Variants in DIAPH3 observed in about 807,000 individuals in gnomAD.
DIAPH3 encodes diaphanous related formin 3, also known as protein diaphanous homolog 3.
Under a neutral mutation model 144.3 loss-of-function variants are expected in DIAPH3, and 117 were observed. The ratio of observed to expected loss-of-function variants is 0.81; its 90% confidence interval spans 0.70 to 0.95. The LOEUF (loss-of-function observed/expected upper bound fraction) is 0.95. Among genes scored for constraint, DIAPH3 ranks in the 40% least tolerant of loss-of-function variants. The pLI is 0.00. For missense variants in DIAPH3, 1,421 were observed against 1,412.7 expected, an observed-to-expected ratio of 1.01 and a Z score of -0.09; for synonymous variants, 519 against 488.9, an observed-to-expected ratio of 1.06 and a Z score of -0.81.
At chr13:60,069,548 GC>G (rs2057115890) in intron 4 of DIAPH3, among the ~76,000 whole-genome samples, 1 of 152,052 alleles carries the variant, frequency 6.6e-6, no homozygotes, top group Admixed American at 6.6e-5. Flanking sequence ...TAAAATATTT[GC>G]CAGGTCCTAT....
chr13:59,743,306 G>T (rs531707983), intron 27 of DIAPH3, among the ~76,000 whole-genome samples: 8 of 152,256 alleles, frequency 5.3e-5, no homozygotes, highest in African/African-American at 1.9e-4. Flanking sequence ...TCAAAGAGAC[G>T]GAAGACCAGA....
intron 21 of DIAPH3, 72 bp downstream of exon 21, chr13:59,879,157 A>G: frequency 6.3e-7 from 1 of 1,594,342 alleles, no homozygotes; most frequent in Non-Finnish European, 8.5e-7. Context: ...AAATATTTAA[A>G]TAATGCAATC....
intron 14 of DIAPH3, among the ~76,000 whole-genome samples, chr13:59,980,170 T>C (rs1311661420): frequency 6.6e-6 from 1 of 151,626 alleles, no homozygotes; most frequent in Non-Finnish European, 1.5e-5. Context: ...TACTACTGAG[T>C]TGAAACAAAA....
At chr13:59,727,204 C>A (rs895764219) in intron 27 of DIAPH3, among the ~76,000 whole-genome samples, 4 of 152,086 alleles carry the variant, frequency 2.6e-5, no homozygotes, top group African/African-American at 9.7e-5. Context: ...GTGGTCAAAT[C>A]CAGGCTACAG....
intron 4 of DIAPH3, among the ~76,000 whole-genome samples, chr13:60,067,268 G>C (rs747471686): frequency 2.0e-5 from 3 of 151,826 alleles, no homozygotes; most frequent in Non-Finnish European, 4.4e-5. Context: ...CTGAGCGACA[G>C]TGTGAGACCC....
chr13:59,984,101 T>C (rs2140731024), intron 12 of DIAPH3, among the ~76,000 whole-genome samples: 1 of 151,792 alleles, frequency 6.6e-6, no homozygotes, highest in East Asian at 1.9e-4. Flanking sequence ...TTATAGTCTT[T>C]TAGGAAATAC....
At chr13:59,823,625 T>C (rs557944659) in intron 24 of DIAPH3, among the ~76,000 whole-genome samples, 1 of 152,150 alleles carries the variant, frequency 6.6e-6, no homozygotes, top group Non-Finnish European at 1.5e-5. Context: ...TTCCTTCCTC[T>C]AACACATATA....
intron 27 of DIAPH3, among the ~76,000 whole-genome samples, chr13:59,762,121 C>T (rs2037631806): frequency 7.3e-6 from 1 of 137,716 alleles, no homozygotes; most frequent in African/African-American, 2.7e-5. Flanking sequence ...TGCAGTGGCG[C>T]GATCTCAACT....
intron 2 of DIAPH3, among the ~76,000 whole-genome samples, chr13:60,125,443 C>G (rs1471162775): frequency 8.2e-6 from 1 of 122,166 alleles, no homozygotes; most frequent in Non-Finnish European, 1.6e-5. Context: ...GTCTCCCTAT[C>G]TTGCCCAGGC....
chr13:60,116,075 A>G (rs182539116), intron 2 of DIAPH3, among the ~76,000 whole-genome samples: 11 of 152,280 alleles, frequency 7.2e-5, no homozygotes, highest in Admixed American at 7.2e-4. Flanking sequence ...TGATACATAT[A>G]TAACTTTTTC....
chr13:59,767,009 G>A (rs1209098481), intron 27 of DIAPH3, among the ~76,000 whole-genome samples: 1 of 152,028 alleles, frequency 6.6e-6, no homozygotes, highest in Non-Finnish European at 1.5e-5. Context: ...CTTTGTCACT[G>A]GTGGCTCCTA....
At chr13:60,134,394 G>A (rs2059216372) in intron 1 of DIAPH3, among the ~76,000 whole-genome samples, 1 of 152,158 alleles carries the variant, frequency 6.6e-6, no homozygotes, top group Non-Finnish European at 1.5e-5. Context: ...CTTAAAAGTG[G>A]TTGGGATCCT....
intron 4 of DIAPH3, among the ~76,000 whole-genome samples, chr13:60,077,322 G>A (rs2057411365): frequency 6.6e-6 from 1 of 151,866 alleles, no homozygotes; most frequent in South Asian, 2.1e-4. Context: ...AACATAACCA[G>A]ACAAGAAGTA....
chr13:59,728,197 C>T (rs1461567662), intron 27 of DIAPH3, among the ~76,000 whole-genome samples: 4 of 152,096 alleles, frequency 2.6e-5, no homozygotes, highest in South Asian at 4.2e-4. Context: ...AGGCTAGACA[C>T]CCCCACTGGT....
At chr13:59,948,086 C>A (rs557509174) in intron 17 of DIAPH3, among the ~76,000 whole-genome samples, 26 of 152,238 alleles carry the variant, frequency 1.7e-4, no homozygotes, top group African/African-American at 6.3e-4. Context: ...AGTATTAACT[C>A]TCTTTTTCAG....
At chr13:59,731,138 C>T (rs545511249) in intron 27 of DIAPH3, among the ~76,000 whole-genome samples, 1 of 152,292 alleles carries the variant, frequency 6.6e-6, no homozygotes, top group East Asian at 1.9e-4. Flanking sequence ...TGCTGCTTAT[C>T]ATATCTTCTC....
chr13:60,150,175 C>A (rs1049230500), intron 1 of DIAPH3, among the ~76,000 whole-genome samples: 1 of 152,106 alleles, frequency 6.6e-6, no homozygotes, highest in African/African-American at 2.4e-5. Flanking sequence ...AAATGCACCA[C>A]CACGCCAGGC....
At chr13:59,927,198 G>C (rs1163126649) in intron 17 of DIAPH3, among the ~76,000 whole-genome samples, 1 of 151,958 alleles carries the variant, frequency 6.6e-6, no homozygotes, top group Non-Finnish European at 1.5e-5. Context: ...TTTGCTTTCA[G>C]TCACTGTTTA....
At chr13:59,830,365 T>C (rs2041710502) in intron 24 of DIAPH3, among the ~76,000 whole-genome samples, 1 of 151,884 alleles carries the variant, frequency 6.6e-6, no homozygotes, top group African/African-American at 2.4e-5. Flanking sequence ...TTACAATCAC[T>C]TCCCTTCCAG....
Sources: gnomAD v4.1 joint callset for allele counts (sites outside exome capture counted in the v4.1 genomes callset) on GRCh38, gnomAD v4.1.1 for gene constraint, MANE v1.5 for transcripts, NCBI Gene and HGNC (gene_info 2026-07-23, HGNC 2026-07-21) for gene names.